Variants in ABCC12 observed in about 807,000 individuals in gnomAD.
ABCC12 encodes the protein ATP-binding cassette sub-family C member 12.
Under a neutral mutation model 151.1 loss-of-function variants are expected in ABCC12, and 142 were observed. That is an observed-to-expected ratio of 0.94 (90% CI 0.82 to 1.08). The LOEUF (loss-of-function observed/expected upper bound fraction) is 1.08, where lower values mean the gene tolerates loss of function less well. Ranked by LOEUF, ABCC12 falls within the 50% of genes least tolerant of loss-of-function variation. ABCC12 has a pLI of 0.00. For missense variants in ABCC12, 1,638 were observed against 1,691.1 expected (o/e 0.97, Z 0.55); for synonymous variants, 645 against 646.4 (o/e 1.00, Z 0.03).
intron 5 of ABCC12, 116 bp downstream of exon 5, chr16:48,141,090 G>A: frequency 1.4e-6 from 2 of 1,453,470 alleles, no homozygotes. Context: ...CGCCCCCAAG[G>A]AGCGCAAAGA....
intron 3 of ABCC12, 137 bp from the exon 4 acceptor site, chr16:48,144,202 G>T: frequency 1.8e-6 from 2 of 1,136,410 alleles, no homozygotes; most frequent in Non-Finnish European, 1.2e-6. Context: ...ATGTTTATTA[G>T]CCCTTTGAGC....
chr16:48,094,986 C>A (rs1963042509), intron 24 of ABCC12, among the ~76,000 whole-genome samples: 1 of 151,848 alleles, frequency 6.6e-6, no homozygotes, highest in African/African-American at 2.4e-5. Context: ...ACGAGAGAAA[C>A]AAAAAGAAAA....
chr16:48,084,149 A>G (rs1000586678), intron 29 of ABCC12, 76 bp from the exon 30 acceptor site: 1 of 1,415,156 alleles, frequency 7.1e-7, no homozygotes, highest in Admixed American at 2.6e-5. Context: ...TTTACTTTAA[A>G]AAAAAGAAGA....
At chr16:48,125,234 T>C (rs1252152209) in intron 11 of ABCC12, among the ~76,000 whole-genome samples, 1 of 152,176 alleles carries the variant, frequency 6.6e-6, no homozygotes. Context: ...CAGAATATCC[T>C]ACACAGGAGG....
intron 3 of ABCC12, among the ~76,000 whole-genome samples, chr16:48,145,955 C>T (rs1964986415): frequency 1.3e-5 from 2 of 152,232 alleles, no homozygotes; most frequent in Admixed American, 6.5e-5. Context: ...AAACCTTAGG[C>T]AAGTCACTTA....
chr16:48,083,256 G>A lies in ABCC12; in HGVS notation c.*459C>T, dbSNP rs1315118016. ...TCATTACCACTTGTCACCCAGTCAA[G>A]ATGGAAGTGAGTGGGGTTAAACGAG... On this transcript the variant is annotated 3_prime_UTR_variant, in exon 31 of 31. Coordinates refer to ENST00000311303, the MANE Select transcript of ABCC12 (RefSeq NM_001393797.1). 1.9e-5 allele frequency: 3 copies of A among 161,944 alleles called. No individual in the cohort carries two copies. Among genetic ancestry groups the A allele is most frequent in the African/African-American group, 7.2e-5 (3 of 41,596 alleles). 10.0% of individuals were successfully genotyped at this position (161,944 alleles called of 1,614,324 possible).
chr16:48,115,268 A>T, intron 15 of ABCC12, 147 bp downstream of exon 15: 1 of 960,500 alleles, frequency 1.0e-6, no homozygotes, highest in Admixed American at 2.2e-5. Context: ...AAGGCTGGGG[A>T]ATCATGAGTG....
chr16:48,117,214 T>G, intron 14 of ABCC12, 47 bp downstream of exon 14: 1 of 1,567,588 alleles, frequency 6.4e-7, no homozygotes, highest in Non-Finnish European at 8.7e-7. Flanking sequence ...CCTGAGCAAA[T>G]GTACTGTGTG....
At chr16:48,146,181 G>A (rs1964994103) in intron 3 of ABCC12, 125 bp downstream of exon 3, 3 of 818,188 alleles carry the variant, frequency 3.7e-6, no homozygotes, top group Non-Finnish European at 6.2e-6. Context: ...CGTGTGCATG[G>A]GTGGACGGAC....
At chr16:48,124,374 C>A in intron 11 of ABCC12, 90 bp from the exon 12 acceptor site, 1 of 1,328,690 alleles carries the variant, frequency 7.5e-7, no homozygotes. Context: ...CTATGCTGGT[C>A]AGGCCAGGCG....
intron 24 of ABCC12, among the ~76,000 whole-genome samples, chr16:48,092,749 C>G (rs767798847): frequency 2.0e-5 from 3 of 152,118 alleles, no homozygotes; most frequent in Non-Finnish European, 2.9e-5. Context: ...GTCCCAAAAG[C>G]AGGTTGATGT....
In ABCC12 at chr16:48,100,916, C is replaced by G; in HGVS notation, c.2994G>C (p.Leu998=). ...TCTTGCCATAGGCGTGAATGATGCC[C>G]AGGCCCTGCATGGAGGAGGTGATGT... is the stretch of plus-strand genomic sequence containing the variant. The part of the protein sequence containing the change: ...FTHITSSMQG[L]GIIHAYGKKE... The change falls in exon 23 of 31, where the codon CTG becomes CTC. Residue 998 remains leucine, a synonymous_variant. Coordinates refer to ENST00000311303, the MANE Select transcript of ABCC12 (RefSeq NM_001393797.1). 6.2e-7 allele frequency: 1 copy of G among 1,614,220 alleles called. No homozygotes were observed.
Position 48,088,011 on chromosome 16 carries a change from C to G in ABCC12, c.3550G>C (p.Asp1184His). 6.2e-7 allele frequency: 1 copy of G among 1,614,188 alleles called. No individual in the cohort carries two copies. Among genetic ancestry groups the G allele is most frequent in the Non-Finnish European group, 8.5e-7 (1 of 1,180,020 alleles). ...ASGTIFIDEV[D>H]ICILSLEDLR... Reference sequence around the variant, plus strand: ...TCTTCCAAGCTGAGAATGCAGATATCCACCTCATCAATAAAGATTGTGCCA... The same window carrying G: ...TCTTCCAAGCTGAGAATGCAGATATGCACCTCATCAATAAAGATTGTGCCA... The change falls in exon 27 of 31, where the codon GAT (aspartate) becomes CAT (histidine). Residue 1184 changes from aspartate (D) to histidine (H), a missense_variant. Coordinates refer to ENST00000311303, the MANE Select transcript of ABCC12 (RefSeq NM_001393797.1).
At chr16:48,115,143 C>T (rs1425681658) in intron 15 of ABCC12, among the ~76,000 whole-genome samples, 1 of 152,156 alleles carries the variant, frequency 6.6e-6, no homozygotes, top group East Asian at 1.9e-4. Context: ...TGCCCCAATC[C>T]ACCCACAGGC....
At chr16:48,144,982 T>G (rs1338734422) in intron 3 of ABCC12, among the ~76,000 whole-genome samples, 1 of 152,156 alleles carries the variant, frequency 6.6e-6, no homozygotes. Context: ...AAGGTCTTAC[T>G]GCTGGAAAGT....
In ABCC12 at chr16:48,117,244, C is replaced by T. The variant is rs903043181; in HGVS notation, c.1785+17G>A. The T allele has an allele frequency of 1.2e-6, 2 of 1,611,332 alleles. No individual in the cohort carries two copies. The highest frequency in any genetic ancestry group is 2.2e-5 in the East Asian group (1 of 44,842). On this transcript the variant is annotated intron_variant, in intron 14 of 30. Transcript: ENST00000311303. ...TGTGTGCAGCTACAGTGGGCTTGCGCTCCCAGCCCCGCTCACCTCAGTCAG... is the reference window on the plus strand; with the variant it reads ...TGTGTGCAGCTACAGTGGGCTTGCGTTCCCAGCCCCGCTCACCTCAGTCAG...
chr16:48,136,108 G>T (rs186960370), intron 8 of ABCC12, among the ~76,000 whole-genome samples: 22 of 152,296 alleles, frequency 1.4e-4, no homozygotes, highest in African/African-American at 5.3e-4. Context: ...GCTTGCGCAG[G>T]TTTGCTTCAC....
chr16:48,110,937 T>C (rs1275546275), intron 18 of ABCC12, among the ~76,000 whole-genome samples: 2 of 152,178 alleles, frequency 1.3e-5, no homozygotes, highest in African/African-American at 2.4e-5. Context: ...GCTTAACCTT[T>C]ATTTGTTGAA....
At chr16:48,148,394 G>T (rs965112554) in intron 2 of ABCC12, among the ~76,000 whole-genome samples, 2 of 151,914 alleles carry the variant, frequency 1.3e-5, no homozygotes, top group African/African-American at 2.4e-5. Context: ...GCACCACCAT[G>T]TCCAGCTAAT....
Sources: gnomAD v4.1 joint callset for allele counts (sites outside exome capture counted in the v4.1 genomes callset) on GRCh38, gnomAD v4.1.1 for gene constraint, MANE v1.5 for transcripts, NCBI Gene and HGNC (gene_info 2026-07-23, HGNC 2026-07-21) for gene names.